BRCA1: variants seen among roughly 807,000 people sequenced by gnomAD.
BRCA1 encodes BRCA1 DNA repair associated.
A neutral mutation model predicts 173.7 loss-of-function variants in BRCA1; 140 were observed. The ratio of observed to expected loss-of-function variants is 0.81; its 90% CI spans 0.70 to 0.93. The LOEUF is 0.93. Among genes scored for constraint, BRCA1 ranks in the 40% least tolerant of loss-of-function variants. The pLI, the probability that BRCA1 is intolerant of heterozygous loss-of-function variation, is 0.00. For missense variants in BRCA1, 1,983 were observed against 2,172.5 expected, an observed-to-expected ratio of 0.91 and a Z score of 1.73; for synonymous variants, 662 against 756.0, an observed-to-expected ratio of 0.88 and a Z score of 2.04.
chr17:43,125,515 A>C (rs904148166), upstream of BRCA1: 60 of 329,806 alleles, frequency 1.8e-4, no homozygotes, highest in South Asian at 7.3e-4. Context: ...GAAAGAGCCA[A>C]GCGTCTCTCG....
At chr17:43,158,382 T>A (rs2056211229) in intron 1 of BRCA1, among the ~76,000 whole-genome samples, 1 of 152,230 alleles carries the variant, frequency 6.6e-6, no homozygotes, top group Non-Finnish European at 1.5e-5. Context: ...TCCTCTTGTT[T>A]TTGTTTAGCT....
intron 1 of BRCA1, among the ~76,000 whole-genome samples, chr17:43,134,034 C>G (rs1473465690): frequency 6.6e-6 from 1 of 152,230 alleles, no homozygotes; most frequent in African/African-American, 2.4e-5. Flanking sequence ...CCAGTCCTTT[C>G]ATCTACAATG....
chr17:43,064,098 G>A (rs1597820833), intron 16 of BRCA1, 147 bp from the exon 17 acceptor site: 2 of 722,170 alleles, frequency 2.8e-6, no homozygotes, highest in East Asian at 5.4e-5. Context: ...AGAATCAGAG[G>A]CTGAAAACAC....
Position 43,091,539 on chromosome 17 carries a change from T to C in BRCA1, c.3992A>G (p.Gln1331Arg), listed in dbSNP as rs1060502363. The change falls in exon 10 of 23, where the codon CAG becomes CGG. Residue 1331 changes from glutamine (Q) to arginine (R), a missense_variant. Coordinates refer to ENST00000357654, the MANE Select transcript of BRCA1 (RefSeq NM_007294.4). The stretch of plus-strand genomic sequence containing the variant: ...TTCCTTGTCACTCAGACCAACTCCC[T>C]GGCTTTCAGACTGATGCCTCATTTG... ...SKQMRHQSES[Q>R]GVGLSDKELV... 5 of 1,614,190 alleles carry C rather than the reference T, an allele frequency of 3.1e-6. No homozygotes were observed. The South Asian group carries it at 5.5e-5, about 18-fold the overall frequency.
upstream of BRCA1, among the ~76,000 whole-genome samples, chr17:43,127,972 C>A (rs2055928329): frequency 6.8e-6 from 1 of 146,976 alleles, no homozygotes; most frequent in Admixed American, 6.8e-5. Flanking sequence ...TGCAGTGAGC[C>A]CAGATTGCAC....
chr17:43,154,937 T>C (rs1019453844), intron 1 of BRCA1, among the ~76,000 whole-genome samples: 4 of 152,002 alleles, frequency 2.6e-5, no homozygotes, highest in African/African-American at 7.3e-5. Flanking sequence ...AGCTTAATAA[T>C]GTAAAGAAAC....
At chr17:43,157,825 C>T (rs963209561) in intron 1 of BRCA1, among the ~76,000 whole-genome samples, 4 of 151,956 alleles carry the variant, frequency 2.6e-5, no homozygotes, top group Admixed American at 6.6e-5. Context: ...GGAGACACCC[C>T]GTCTCTACTA....
chr17:43,052,780 AACACAC>A (rs562562021), intron 19 of BRCA1, among the ~76,000 whole-genome samples: 9 of 118,012 alleles, frequency 7.6e-5, no homozygotes, highest in African/African-American at 2.7e-4. Flanking sequence ...GACGGACAGA[AACACAC>A]ACACACACAC....
intron 16 of BRCA1, among the ~76,000 whole-genome samples, chr17:43,066,245 A>T (rs2052064392): frequency 6.6e-6 from 1 of 152,224 alleles, no homozygotes; most frequent in South Asian, 2.1e-4. Flanking sequence ...TTAAAACCTT[A>T]AAAGAGAAAG....
intron 14 of BRCA1, among the ~76,000 whole-genome samples, chr17:43,072,478 CT>C (rs1156271963): frequency 6.6e-6 from 1 of 151,896 alleles, no homozygotes; most frequent in East Asian, 1.9e-4. Context: ...CATGGCTCAC[CT>C]GCAGCCTTGA....
chr17:43,058,409 AAAAG>A (rs1567765701), intron 18 of BRCA1, among the ~76,000 whole-genome samples: 1 of 152,132 alleles, frequency 6.6e-6, no homozygotes, highest in African/African-American at 2.4e-5. Flanking sequence ...TAAAACAAAA[AAAAG>A]AAAGAAAGAA....
intron 1 of BRCA1, chr17:43,165,757 T>C (rs2056262611): frequency 6.7e-6 from 1 of 149,668 alleles, no homozygotes; most frequent in Admixed American, 6.7e-5. Context: ...TGATAACCAT[T>C]CTTTTCCAAA....
intron 1 of BRCA1, among the ~76,000 whole-genome samples, chr17:43,137,601 C>T (rs1371658610): frequency 1.3e-5 from 2 of 152,092 alleles, no homozygotes; most frequent in African/African-American, 2.4e-5. Context: ...AATTTCCTGG[C>T]GGGGCACAGT....
chr17:43,159,448 G>T (rs1408746536), intron 1 of BRCA1: 1 of 162,756 alleles, frequency 6.1e-6, no homozygotes, highest in Admixed American at 6.5e-5. Context: ...GGTGGCTGCC[G>T]GGCTGAGACG....
intron 1 of BRCA1, chr17:43,164,490 G>A (rs751922000): frequency 2.6e-5 from 4 of 152,178 alleles, no homozygotes; most frequent in Non-Finnish European, 5.9e-5. Flanking sequence ...AATAGTTTGA[G>A]GTGAAATTGA....
chr17:43,164,702 T>C (rs1413336751), intron 1 of BRCA1: 4 of 152,314 alleles, frequency 2.6e-5, no homozygotes, highest in Admixed American at 2.0e-4. Context: ...AACAGCAGTC[T>C]TGGTGGTTAG....
At chr17:43,051,282 AAGC>A (rs1352085917) in intron 19 of BRCA1, among the ~76,000 whole-genome samples, 165 bp from the exon 20 acceptor site, 1 of 152,222 alleles carries the variant, frequency 6.6e-6, no homozygotes, top group African/African-American at 2.4e-5. Context: ...TCCCAGGGAC[AAGC>A]AGTCCAATGT....
intron 1 of BRCA1, among the ~76,000 whole-genome samples, chr17:43,143,232 T>G (rs1162560743): frequency 6.6e-6 from 1 of 152,040 alleles, no homozygotes; most frequent in East Asian, 1.9e-4. Flanking sequence ...TAAACCACCA[T>G]GCCCGGCCTA....
intron 18 of BRCA1, among the ~76,000 whole-genome samples, chr17:43,059,752 C>A (rs1169145972): frequency 6.6e-6 from 1 of 152,148 alleles, no homozygotes; most frequent in Non-Finnish European, 1.5e-5. Context: ...TTAACCATCT[C>A]CACACCACCA....
Sources: gnomAD v4.1 joint callset for allele counts (sites outside exome capture counted in the v4.1 genomes callset) on GRCh38, gnomAD v4.1.1 for gene constraint, MANE v1.5 for transcripts, NCBI Gene and HGNC (gene_info 2026-07-23, HGNC 2026-07-21) for gene names.